ANKRD28: variants seen among roughly 807,000 people sequenced by gnomAD.
ANKRD28 encodes the protein serine/threonine-protein phosphatase 6 regulatory ankyrin repeat subunit A.
Under a neutral mutation model 126.5 loss-of-function variants are expected in ANKRD28, and 44 were observed. The observed-to-expected ratio is 0.35, with a 90% CI of 0.27 to 0.45. The LOEUF (loss-of-function observed/expected upper bound fraction) is 0.45, where lower values mean the gene tolerates loss of function less well. ANKRD28 is among the 20% of genes least tolerant of loss of function. ANKRD28 has a pLI of 1.00. For missense variants in ANKRD28, 1,110 were observed against 1,316.6 expected (o/e 0.84, Z 2.43); for synonymous variants, 442 against 468.5 (o/e 0.94, Z 0.73).
chr3:15,779,211 C>A (rs1336530530), intron 2 of ANKRD28, among the ~76,000 whole-genome samples: 3 of 152,090 alleles, frequency 2.0e-5, no homozygotes, highest in African/African-American at 7.2e-5. Context: ...AAGCTTAAGA[C>A]GAGGCAAAGG....
intron 1 of ANKRD28, among the ~76,000 whole-genome samples, chr3:15,836,370 T>C (rs1273626837): frequency 1.3e-5 from 2 of 151,846 alleles, no homozygotes; most frequent in Non-Finnish European, 2.9e-5. Flanking sequence ...AAAAATATAA[T>C]TTTTAAAAAT....
chr3:15,681,380 T>C (rs925948586), intron 21 of ANKRD28, among the ~76,000 whole-genome samples: 1 of 152,194 alleles, frequency 6.6e-6, no homozygotes, highest in African/African-American at 2.4e-5. Context: ...CAATATCTGG[T>C]CCATAGTTTT....
At chr3:15,753,659 T>C (rs549728940) in intron 3 of ANKRD28, among the ~76,000 whole-genome samples, 6 of 151,836 alleles carry the variant, frequency 4.0e-5, no homozygotes, top group Non-Finnish European at 5.9e-5. Flanking sequence ...AGCAGGAGAA[T>C]AGAAGGGCAC....
chr3:15,774,138 T>C (rs1364785072), intron 2 of ANKRD28, among the ~76,000 whole-genome samples: 2 of 152,182 alleles, frequency 1.3e-5, no homozygotes, highest in East Asian at 3.8e-4. Context: ...AATATGAATA[T>C]TAACTTAAAA....
At chr3:15,756,018 G>C (rs2058135184) in intron 3 of ANKRD28, among the ~76,000 whole-genome samples, 1 of 152,172 alleles carries the variant, frequency 6.6e-6, no homozygotes, top group Non-Finnish European at 1.5e-5. Context: ...CATGCCAGAA[G>C]CACCTCATTA....
intron 1 of ANKRD28, among the ~76,000 whole-genome samples, chr3:15,835,704 T>C (rs1279387899): frequency 6.6e-6 from 1 of 152,206 alleles, no homozygotes; most frequent in Non-Finnish European, 1.5e-5. Flanking sequence ...TCGCAATCCT[T>C]AGTCAACTAA....
intron 6 of ANKRD28, among the ~76,000 whole-genome samples, chr3:15,734,748 A>G (rs2125111729): frequency 6.6e-6 from 1 of 152,286 alleles, no homozygotes; most frequent in African/African-American, 2.4e-5. Context: ...GTTTTTGTGC[A>G]TTTAAAAATA....
chr3:15,687,985 T>C (rs981062138), intron 18 of ANKRD28, among the ~76,000 whole-genome samples: 1 of 152,220 alleles, frequency 6.6e-6, no homozygotes, highest in East Asian at 1.9e-4. Flanking sequence ...ATGCTCTCTA[T>C]AGACCTCCAA....
At chr3:15,749,103 T>TTTTTTTTTG (rs2057693284) in intron 4 of ANKRD28, among the ~76,000 whole-genome samples, 1 of 26,962 alleles carries the variant, frequency 3.7e-5, no homozygotes, top group Non-Finnish European at 1.3e-4. Context: ...ATGTTTTTGT[T>TTTTTTTTTG]TTTTTTTTTT....
In ANKRD28 at chr3:15,735,494, C is replaced by T. The variant is rs989221896; in HGVS notation, c.556G>A (p.Val186Ile). ...GCACCTCTAGACAAGAGTAGTTTGA[C>T]CATCTGGAATAGAAGTAAACACAGT... The part of the protein sequence containing the change: ...HAAFSGHGEM[V>I]KLLLSRGANI... The change falls in exon 6 of 28, where the codon GTC becomes ATC. Residue 186 changes from valine to isoleucine, a missense_variant. Val to Ile is a conservative substitution (Grantham distance 29). Transcript: ENST00000683139. 7.7e-6 allele frequency: 12 copies of T among 1,551,344 alleles called. No homozygotes were observed. Among genetic ancestry groups the T allele is most frequent in the Admixed American group, 5.9e-5 (3 of 51,146 alleles).
In ANKRD28 at chr3:15,805,009, A is replaced by G. The variant is rs758302136; in HGVS notation, c.28-9703T>C. Among the ~76,000 whole-genome samples, 19 of 145,408 alleles carry G rather than the reference A, an allele frequency of 1.3e-4. 2 individuals are homozygous for G. Among genetic ancestry groups the G allele is most frequent in the Non-Finnish European group, 2.5e-4 (17 of 67,172 alleles). On this transcript the variant is annotated intron_variant, in intron 1 of 27. Transcript: ENST00000399451. Reference sequence around the variant, plus strand: ...GCGCTCTTTCCTCCTCCCAACACACATGTACTTACGTAGCAGGTACTTACG... The same window carrying G: ...GCGCTCTTTCCTCCTCCCAACACACGTGTACTTACGTAGCAGGTACTTACG...
intron 4 of ANKRD28, among the ~76,000 whole-genome samples, chr3:15,748,343 C>G (rs1323069738): frequency 6.6e-6 from 1 of 152,094 alleles, no homozygotes; most frequent in Non-Finnish European, 1.5e-5. Context: ...GAATTTCTTT[C>G]AAGGTTTAGA....
At chr3:15,842,933 C>T (rs148238794) in intron 1 of ANKRD28, among the ~76,000 whole-genome samples, 89 of 152,252 alleles carry the variant, frequency 5.8e-4, no homozygotes, top group African/African-American at 1.5e-3. Context: ...ATAGCACACC[C>T]GGACAGAAAC....
chr3:15,720,900 G>C lies in ANKRD28; in HGVS notation c.996+15C>G. ...GACATATGAAATACTTATAGATTCT[G>C]ATTTTGTTCCTTACCTTCATATTGA... On this transcript the variant is annotated intron_variant, in intron 8 of 27. Coordinates refer to ENST00000683139, the MANE Select transcript of ANKRD28 (RefSeq NM_001349278.2). 6.2e-7 allele frequency: 1 copy of C among 1,609,144 alleles called. No homozygotes were observed. The highest frequency in any genetic ancestry group is 1.3e-5 in the African/African-American group (1 of 74,848).
At chr3:15,783,783 C>T (rs546977629) in intron 2 of ANKRD28, among the ~76,000 whole-genome samples, 7 of 151,958 alleles carry the variant, frequency 4.6e-5, no homozygotes, top group African/African-American at 1.7e-4. Context: ...GTAATAATGA[C>T]TCAGAGTTTC....
At chr3:15,702,350 G>C (rs942343418) in intron 14 of ANKRD28, among the ~76,000 whole-genome samples, 9 of 152,112 alleles carry the variant, frequency 5.9e-5, no homozygotes, top group African/African-American at 2.2e-4. Flanking sequence ...TTCATTAGAG[G>C]GTGGGGGCAG....
intron 3 of ANKRD28, among the ~76,000 whole-genome samples, chr3:15,761,688 T>C (rs1288966722): frequency 2.6e-5 from 4 of 152,228 alleles, no homozygotes; most frequent in African/African-American, 9.6e-5. Context: ...ATTCTGGAAA[T>C]CTATTTCCAA....
chr3:15,798,990 T>C (rs141979876), upstream of ANKRD28, among the ~76,000 whole-genome samples: 9 of 152,244 alleles, frequency 5.9e-5, no homozygotes, highest in East Asian at 1.7e-3. Flanking sequence ...ATTCCCATTA[T>C]AGAGGGAAAA....
At position 15,814,729 on chromosome 3, in the gene ANKRD28, G is replaced by A. The variant is rs1366469217; in HGVS notation, c.28-19423C>T. Among the ~76,000 whole-genome samples, 3 of 151,966 alleles carry A rather than the reference G, an allele frequency of 2.0e-5. No homozygotes were observed. In the East Asian group the frequency reaches 5.8e-4, roughly 29 times the overall value. The stretch of plus-strand genomic sequence containing the variant: ...AGCAATTATTTACCCATGGGGACGT[G>A]TTGATTTAAGAAACTGCCTATGAAA... On this transcript the variant is annotated intron_variant, in intron 1 of 27. Coordinates refer to the ANKRD28 transcript ENST00000399451. This position sits in a 1 kb window ranked among gnomAD's most constrained non-coding sequence, Gnocchi z 4.7.
Sources: gnomAD v4.1 joint callset for allele counts (sites outside exome capture counted in the v4.1 genomes callset) on GRCh38, gnomAD v4.1.1 for gene constraint, Gnocchi (gnomAD v3.1) non-coding constraint, MANE v1.5 for transcripts, NCBI Gene and HGNC (gene_info 2026-07-23, HGNC 2026-07-21) for gene names.